PPP1R12B: variants seen among roughly 807,000 people sequenced by gnomAD.
PPP1R12B encodes protein phosphatase 1 regulatory subunit 12B.
Under a neutral mutation model 126.1 loss-of-function variants are expected in PPP1R12B, and 76 were observed. The ratio of observed to expected loss-of-function variants is 0.60; its 90% CI spans 0.50 to 0.73. The LOEUF (loss-of-function observed/expected upper bound fraction) is 0.73, where lower values mean the gene tolerates loss of function less well. Ranked by LOEUF, PPP1R12B falls within the 30% of genes least tolerant of loss-of-function variation. The pLI, the probability that PPP1R12B is intolerant of heterozygous loss-of-function variation, is 0.00. For missense variants in PPP1R12B, 1,052 were observed against 1,205.1 expected, an observed-to-expected ratio of 0.87 and a Z score of 1.88; for synonymous variants, 356 against 434.7, an observed-to-expected ratio of 0.82 and a Z score of 2.25.
intron 19 of PPP1R12B, among the ~76,000 whole-genome samples, chr1:202,561,928 T>C (rs1201616302): frequency 2.0e-5 from 3 of 152,222 alleles, no homozygotes; most frequent in African/African-American, 7.2e-5. Flanking sequence ...TTCACAGTTG[T>C]GACTCTTCAA....
intron 1 of PPP1R12B, among the ~76,000 whole-genome samples, chr1:202,410,840 G>A (rs1219753000): frequency 2.0e-5 from 3 of 152,280 alleles, no homozygotes; most frequent in Admixed American, 2.0e-4. Flanking sequence ...CTTAGAACAC[G>A]TTGTTACTTT....
intron 18 of PPP1R12B, among the ~76,000 whole-genome samples, chr1:202,521,046 A>C (rs998904721): frequency 2.0e-5 from 3 of 152,150 alleles, no homozygotes; most frequent in African/African-American, 7.2e-5. Context: ...TGTCACAGCC[A>C]GGAATAAGCT....
Position 202,582,318 on chromosome 1 carries a change from T to C in PPP1R12B, c.*1758T>C, listed in dbSNP as rs1689590816. ...AGGCCTGGAAAGAATACAAATCCAG[T>C]GCAAAATTAAACCATTAGTTCTTGA... On this transcript the variant is annotated 3_prime_UTR_variant, in exon 24 of 24. Transcript: ENST00000608999. 6.6e-6 allele frequency: 1 copy of C among 152,658 alleles called. No individual in the cohort carries two copies. The highest frequency in any genetic ancestry group is 1.5e-5 in the Non-Finnish European group (1 of 68,040). The allele number at this position is 152,658 out of a possible 1,614,324, so 9.5% of individuals were successfully genotyped here. A position where few individuals can be genotyped will look rare whatever the true frequency, so the allele number is the denominator to read the frequency against.
At chr1:202,514,928 G>A (rs530381851) in intron 18 of PPP1R12B, among the ~76,000 whole-genome samples, 1 of 152,336 alleles carries the variant, frequency 6.6e-6, no homozygotes, top group Non-Finnish European at 1.5e-5. Flanking sequence ...TAAAGAAAAT[G>A]TGGTACATAT....
chr1:202,588,386 T>C lies in PPP1R12B; in HGVS notation c.*7826T>C, dbSNP rs1041809470. On this transcript the variant is annotated 3_prime_UTR_variant, in exon 24 of 24. Coordinates refer to ENST00000608999, the MANE Select transcript of PPP1R12B (RefSeq NM_002481.4). Reference sequence around the variant, plus strand: ...AGACTTGCTTTGTGAACTGAATGTATTTTTATGCAATTTTGAGTGGCCTTT... The same window carrying C: ...AGACTTGCTTTGTGAACTGAATGTACTTTTATGCAATTTTGAGTGGCCTTT... 5 of 152,636 alleles carry C rather than the reference T, an allele frequency of 3.3e-5. No homozygotes were observed. Among genetic ancestry groups the C allele is most frequent in the African/African-American group, 1.2e-4 (5 of 41,450 alleles). 9.5% of individuals were successfully genotyped at this position (152,636 alleles called of 1,614,324 possible).
At chr1:202,410,275 G>T (rs1348223622) in intron 1 of PPP1R12B, 1 of 152,134 alleles carries the variant, frequency 6.6e-6, no homozygotes, top group East Asian at 1.9e-4. Flanking sequence ...AGTGTTTCTT[G>T]ATATACTCTC....
At chr1:202,428,511 T>C (rs1481988249) in intron 5 of PPP1R12B, 5 of 204,378 alleles carry the variant, frequency 2.4e-5, no homozygotes, top group Non-Finnish European at 4.9e-5. Flanking sequence ...TCTGAAGTTT[T>C]GAAGAGCCCT....
chr1:202,536,132 T>C (rs946499720), intron 18 of PPP1R12B, among the ~76,000 whole-genome samples: 1 of 152,242 alleles, frequency 6.6e-6, no homozygotes, highest in African/African-American at 2.4e-5. Flanking sequence ...AACTTCACTT[T>C]CTTCATCTGT....
intron 1 of PPP1R12B, among the ~76,000 whole-genome samples, chr1:202,386,608 G>A (rs553607981): frequency 4.6e-5 from 7 of 152,204 alleles, no homozygotes; most frequent in East Asian, 3.9e-4. Flanking sequence ...CGTGAGCCAC[G>A]GCGCCTGGCC....
intron 18 of PPP1R12B, among the ~76,000 whole-genome samples, chr1:202,504,894 A>G (rs1206823079): frequency 6.6e-6 from 1 of 152,252 alleles, no homozygotes; most frequent in African/African-American, 2.4e-5. Context: ...ATGAGCTAAT[A>G]CATTTAAATA....
intron 1 of PPP1R12B, among the ~76,000 whole-genome samples, chr1:202,404,866 T>G (rs1434905406): frequency 6.6e-6 from 1 of 152,230 alleles, no homozygotes; most frequent in Non-Finnish European, 1.5e-5. Context: ...CTTCTTACTC[T>G]GCACTATAAC....
chr1:202,467,323 A>G (rs1376570221), intron 13 of PPP1R12B, among the ~76,000 whole-genome samples: 1 of 151,436 alleles, frequency 6.6e-6, no homozygotes, highest in African/African-American at 2.4e-5. Flanking sequence ...TGCTGCACCC[A>G]TTAATTCGTC....
intron 17 of PPP1R12B, among the ~76,000 whole-genome samples, chr1:202,496,463 A>G (rs1679561032): frequency 6.6e-6 from 1 of 152,258 alleles, no homozygotes; most frequent in African/African-American, 2.4e-5. Flanking sequence ...AGATAAAAAT[A>G]TTTCATTGTT....
At chr1:202,399,844 A>AT (rs1037350366) in intron 1 of PPP1R12B, among the ~76,000 whole-genome samples, 2 of 151,968 alleles carry the variant, frequency 1.3e-5, no homozygotes, top group African/African-American at 4.8e-5. Context: ...TATTTCATTT[A>AT]TTTTTTATAA....
intron 1 of PPP1R12B, among the ~76,000 whole-genome samples, chr1:202,374,814 G>T (rs1234265498): frequency 6.6e-6 from 1 of 152,090 alleles, no homozygotes; most frequent in African/African-American, 2.4e-5. Context: ...AAAGTGCTAG[G>T]ATTACAGGCG....
At chr1:202,409,094 C>T (rs1667044558) in intron 1 of PPP1R12B, among the ~76,000 whole-genome samples, 1 of 151,942 alleles carries the variant, frequency 6.6e-6, no homozygotes, top group Non-Finnish European at 1.5e-5. Flanking sequence ...TCGCCTCAGC[C>T]TACCAAAGTG....
At chr1:202,511,398 T>C (rs1251489890) in intron 18 of PPP1R12B, among the ~76,000 whole-genome samples, 1 of 151,922 alleles carries the variant, frequency 6.6e-6, no homozygotes, top group Non-Finnish European at 1.5e-5. Context: ...TTTGTATTTT[T>C]AGTAGAGATG....
chr1:202,543,059 A>T (rs1035108402), intron 18 of PPP1R12B, among the ~76,000 whole-genome samples: 7 of 152,100 alleles, frequency 4.6e-5, no homozygotes, highest in Admixed American at 2.0e-4. Flanking sequence ...TAAGGAAAAT[A>T]TCCTCAGAGA....
chr1:202,474,023 G>A (rs1676300768), intron 13 of PPP1R12B: 15 of 509,098 alleles, frequency 2.9e-5, no homozygotes, highest in Middle Eastern at 3.2e-4. Context: ...ACAGGGAAAG[G>A]TGTACAGAGA....
Sources: gnomAD v4.1 joint callset for allele counts (sites outside exome capture counted in the v4.1 genomes callset) on GRCh38, gnomAD v4.1.1 for gene constraint, MANE v1.5 for transcripts, NCBI Gene and HGNC (gene_info 2026-07-23, HGNC 2026-07-21) for gene names.